Variants in EXOC4 observed in about 807,000 individuals in gnomAD.
EXOC4 encodes exocyst complex component 4, also known as SEC8-like 1.
EXOC4 carries 71 observed loss-of-function variants against 107.2 expected under a neutral mutation model. That is an observed-to-expected ratio of 0.66 (90% confidence interval 0.55 to 0.81). The LOEUF (loss-of-function observed/expected upper bound fraction) is 0.81, where lower values mean the gene tolerates loss of function less well. EXOC4 is among the 30% of genes least tolerant of loss of function. The probability of loss-of-function intolerance (pLI) is 0.00; values close to 1 mark genes in which losing one functional copy is unlikely to be tolerated. For synonymous variants in EXOC4, 456 were observed against 441.2 expected, an observed-to-expected ratio of 1.03 and a Z score of -0.42; for missense variants, 1,108 against 1,189.6, an observed-to-expected ratio of 0.93 and a Z score of 1.01.
chr7:133,656,469 G>T (rs909767877), intron 10 of EXOC4, among the ~76,000 whole-genome samples: 3 of 151,992 alleles, frequency 2.0e-5, no homozygotes, highest in Non-Finnish European at 4.4e-5. Flanking sequence ...TATTAAGAAG[G>T]TAATAACCCC....
chr7:133,900,980 C>G (rs1379826242), intron 12 of EXOC4, among the ~76,000 whole-genome samples: 1 of 152,152 alleles, frequency 6.6e-6, no homozygotes, highest in Non-Finnish European at 1.5e-5. Context: ...CATGATTCTC[C>G]TGCCTCAGCC....
intron 9 of EXOC4, among the ~76,000 whole-genome samples, chr7:133,626,062 C>G (rs1349148358): frequency 6.6e-6 from 1 of 152,094 alleles, no homozygotes; most frequent in Non-Finnish European, 1.5e-5. Flanking sequence ...CAAAAATTAG[C>G]TAAGCATGTT....
chr7:133,330,630 C>G (rs1415405182), intron 5 of EXOC4, among the ~76,000 whole-genome samples: 2 of 147,456 alleles, frequency 1.4e-5, no homozygotes, highest in Non-Finnish European at 3.0e-5. Context: ...CCGGAGTGCA[C>G]TGTTCCTCAC....
At chr7:133,975,600 G>T (rs1793813669) in intron 14 of EXOC4, among the ~76,000 whole-genome samples, 1 of 151,906 alleles carries the variant, frequency 6.6e-6, no homozygotes. Flanking sequence ...ATGATCTCGT[G>T]AATAGAAACC....
chr7:133,553,726 G>A (rs1800635469), intron 9 of EXOC4, among the ~76,000 whole-genome samples: 1 of 152,130 alleles, frequency 6.6e-6, no homozygotes, highest in Non-Finnish European at 1.5e-5. Context: ...GGGGATGGCA[G>A]CCGGGGAGAG....
At chr7:133,813,585 A>G (rs1797289737) in intron 10 of EXOC4, among the ~76,000 whole-genome samples, 1 of 152,180 alleles carries the variant, frequency 6.6e-6, no homozygotes, top group Non-Finnish European at 1.5e-5. Flanking sequence ...TCATCGCAGC[A>G]GGATGTGGTA....
At chr7:133,289,176 A>G in intron 3 of EXOC4, 60 bp downstream of exon 3, 4 of 1,453,328 alleles carry the variant, frequency 2.8e-6, no homozygotes, top group Non-Finnish European at 3.8e-6. Flanking sequence ...ACTCTCTTTT[A>G]TTCTCTCTGA....
intron 7 of EXOC4, among the ~76,000 whole-genome samples, chr7:133,442,581 A>T (rs1798128867): frequency 6.6e-6 from 1 of 152,054 alleles, no homozygotes; most frequent in African/African-American, 2.4e-5. Flanking sequence ...ACAAGAGAAG[A>T]GCTTGTGGGG....
intron 10 of EXOC4, among the ~76,000 whole-genome samples, chr7:133,723,771 G>T (rs964639142): frequency 6.6e-6 from 1 of 152,074 alleles, no homozygotes; most frequent in South Asian, 2.1e-4. Context: ...GACTACAGGC[G>T]TGAGTCACCA....
intron 10 of EXOC4, among the ~76,000 whole-genome samples, chr7:133,755,735 G>A (rs1211288247): frequency 6.6e-6 from 1 of 152,042 alleles, no homozygotes; most frequent in African/African-American, 2.4e-5. Flanking sequence ...GTGCGCATAG[G>A]TATAGTACAT....
intron 14 of EXOC4, among the ~76,000 whole-genome samples, chr7:133,960,576 G>A (rs1224581392): frequency 1.3e-5 from 2 of 152,090 alleles, no homozygotes; most frequent in Admixed American, 6.5e-5. Context: ...CACATAAACA[G>A]AATTAAAAAC....
At chr7:133,578,717 G>T (rs1320682847) in intron 9 of EXOC4, among the ~76,000 whole-genome samples, 1 of 152,162 alleles carries the variant, frequency 6.6e-6, no homozygotes, top group Non-Finnish European at 1.5e-5. Context: ...AATGTTCTTT[G>T]CAGTGTTACA....
At chr7:133,682,939 G>A (rs964722821) in intron 10 of EXOC4, among the ~76,000 whole-genome samples, 2 of 152,148 alleles carry the variant, frequency 1.3e-5, no homozygotes, top group Non-Finnish European at 2.9e-5. Context: ...ACCCTCTTGT[G>A]CTGAACACCA....
At chr7:133,685,488 C>T (rs990135767) in intron 10 of EXOC4, among the ~76,000 whole-genome samples, 1 of 152,068 alleles carries the variant, frequency 6.6e-6, no homozygotes, top group African/African-American at 2.4e-5. Context: ...TTATAAATTA[C>T]CCAATCTTGG....
chr7:133,329,394 T>C (rs1795325546), intron 5 of EXOC4, among the ~76,000 whole-genome samples: 1 of 152,180 alleles, frequency 6.6e-6, no homozygotes. Flanking sequence ...AAGTTTGTTA[T>C]TACCGACCTT....
intron 10 of EXOC4, among the ~76,000 whole-genome samples, chr7:133,802,837 ACT>A (rs1420794135): frequency 3.1e-5 from 4 of 127,006 alleles, no homozygotes; most frequent in African/African-American, 1.2e-4. Context: ...GACGAGCGAA[ACT>A]CTGTCTCCAC....
intron 2 of EXOC4, among the ~76,000 whole-genome samples, chr7:133,285,372 A>G (rs1417367423): frequency 2.0e-5 from 3 of 152,208 alleles, no homozygotes; most frequent in East Asian, 3.8e-4. Flanking sequence ...GATATGGTGC[A>G]TATAAAATTG....
the EXOC4 span, among the ~76,000 whole-genome samples, chr7:134,076,921 C>T: frequency 1.3e-5 from 2 of 152,074 alleles, no homozygotes; most frequent in East Asian, 1.9e-4. Flanking sequence ...CCATAACTTA[C>T]ATCCTGATAA....
intron 10 of EXOC4, among the ~76,000 whole-genome samples, chr7:133,714,857 G>T (rs1161313396): frequency 1.3e-5 from 2 of 152,144 alleles, no homozygotes; most frequent in Non-Finnish European, 2.9e-5. Flanking sequence ...AGAGCAAACA[G>T]ATTTGGACTT....
Sources: allele counts gnomAD v4.1 joint callset (sites outside exome capture counted in the v4.1 genomes callset), GRCh38; gene constraint gnomAD v4.1.1; transcripts MANE v1.5; gene names NCBI Gene and HGNC (gene_info 2026-07-23, HGNC 2026-07-21).